Variants in TANGO6 observed in about 807,000 individuals in gnomAD.
TANGO6 encodes transport and Golgi organization protein 6 homolog.
In TANGO6, 90 loss-of-function variants were observed where a neutral mutation model predicts 114.2. The ratio of observed to expected loss-of-function variants is 0.79; its 90% confidence interval spans 0.66 to 0.94. The LOEUF is 0.94. Ranked by LOEUF, TANGO6 falls within the 40% of genes least tolerant of loss-of-function variation. The pLI is 0.00. For missense variants in TANGO6, 1,274 were observed against 1,315.3 expected (o/e 0.97, Z 0.49); for synonymous variants, 477 against 509.8 (o/e 0.94, Z 0.87).
intron 16 of TANGO6, among the ~76,000 whole-genome samples, chr16:69,025,059 C>T (rs1051452307): frequency 5.3e-5 from 8 of 152,212 alleles, no homozygotes; most frequent in African/African-American, 1.7e-4. Flanking sequence ...CCTCCTGCCT[C>T]GGCCTCCCAA....
intron 15 of TANGO6, among the ~76,000 whole-genome samples, chr16:68,980,409 C>CTCTCTCTCTCTCTATATATATATA (rs1408626276): frequency 2.9e-5 from 2 of 68,014 alleles, no homozygotes; most frequent in Non-Finnish European, 5.3e-5. Flanking sequence ...CTCTCTCTCT[C>CTCTCTCTCTCTCTATATATATATA]TATATATATA....
chr16:68,962,305 CT>C (rs956666566), intron 14 of TANGO6, among the ~76,000 whole-genome samples: 2 of 152,058 alleles, frequency 1.3e-5, no homozygotes, highest in Non-Finnish European at 2.9e-5. Context: ...TCTTTATTAT[CT>C]TTGTGACTTA....
chr16:68,855,111 G>A (rs1567523971), intron 1 of TANGO6, among the ~76,000 whole-genome samples: 1 of 151,286 alleles, frequency 6.6e-6, no homozygotes, highest in Non-Finnish European at 1.5e-5. Context: ...GGAGGCTGAG[G>A]CAGGAGAATC....
intron 11 of TANGO6, 77 bp from the exon 12 acceptor site, chr16:68,919,008 G>A (rs1963050754): frequency 1.3e-6 from 2 of 1,492,760 alleles, no homozygotes; most frequent in Admixed American, 2.1e-5. Flanking sequence ...AGATGAGGAT[G>A]TAGACATAAG....
At chr16:69,021,588 G>A (rs1019939600) in intron 15 of TANGO6, among the ~76,000 whole-genome samples, 1 of 152,078 alleles carries the variant, frequency 6.6e-6, no homozygotes, top group African/African-American at 2.4e-5. Context: ...CAAGCATCTG[G>A]AACAATGCTT....
intron 15 of TANGO6, among the ~76,000 whole-genome samples, chr16:69,004,316 C>A (rs140337146): frequency 6.6e-6 from 1 of 151,650 alleles, no homozygotes; most frequent in Non-Finnish European, 1.5e-5. Flanking sequence ...ACAAACTCAC[C>A]GTTTCATAAA....
chr16:68,900,412 T>C, intron 7 of TANGO6, 22 bp from the exon 8 acceptor site: 1 of 1,604,952 alleles, frequency 6.2e-7, no homozygotes, highest in Non-Finnish European at 8.5e-7. Flanking sequence ...GGGATTATTC[T>C]TCACCATTTC....
At chr16:69,059,412 G>T (rs948019797) in intron 17 of TANGO6, among the ~76,000 whole-genome samples, 2 of 151,968 alleles carry the variant, frequency 1.3e-5, no homozygotes, top group Non-Finnish European at 2.9e-5. Context: ...CACCATGTTG[G>T]CCAGGCTGGT....
intron 12 of TANGO6, among the ~76,000 whole-genome samples, chr16:68,926,038 G>GTT (rs1193858644): frequency 7.0e-6 from 1 of 143,826 alleles, no homozygotes; most frequent in Non-Finnish European, 1.5e-5. Flanking sequence ...GTCTTGGCTG[G>GTT]TTTTTTTTTT....
At chr16:69,003,086 G>A (rs904463548) in intron 15 of TANGO6, among the ~76,000 whole-genome samples, 3 of 151,818 alleles carry the variant, frequency 2.0e-5, no homozygotes, top group East Asian at 3.8e-4. Flanking sequence ...TTAAACTTTA[G>A]CCAGGACAAG....
intron 9 of TANGO6, among the ~76,000 whole-genome samples, chr16:68,905,763 C>T (rs1399116712): frequency 1.3e-5 from 2 of 151,956 alleles, no homozygotes; most frequent in African/African-American, 4.8e-5. Flanking sequence ...GTCCCAGCTA[C>T]TTAGGAGGCT....
chr16:68,983,335 T>C (rs1463561664), intron 15 of TANGO6, among the ~76,000 whole-genome samples: 1 of 152,240 alleles, frequency 6.6e-6, no homozygotes, highest in Non-Finnish European at 1.5e-5. Flanking sequence ...ATTTGGTTGC[T>C]CTTTCTAATG....
intron 15 of TANGO6, among the ~76,000 whole-genome samples, chr16:69,007,637 T>C (rs181671465): frequency 3.5e-4 from 54 of 152,322 alleles, no homozygotes; most frequent in African/African-American, 1.3e-3. Flanking sequence ...GAATAAAACT[T>C]CTATGTATAT....
chr16:68,876,459 C>A (rs1962362268), intron 5 of TANGO6, among the ~76,000 whole-genome samples: 1 of 152,140 alleles, frequency 6.6e-6, no homozygotes, highest in African/African-American at 2.4e-5. Flanking sequence ...CCATGCCAGG[C>A]CAGTGCTAAT....
chr16:68,980,401 CTCTCTCTCTA>C (rs1567552524), intron 15 of TANGO6, among the ~76,000 whole-genome samples: 1 of 67,450 alleles, frequency 1.5e-5, no homozygotes, highest in African/African-American at 6.2e-5. Flanking sequence ...CTCTCTCTCT[CTCTCTCTCTA>C]TATATATATA....
chr16:68,981,210 CT>C (rs553789256), intron 15 of TANGO6, among the ~76,000 whole-genome samples: 84 of 111,020 alleles, frequency 7.6e-4, no homozygotes, highest in Middle Eastern at 4.9e-3. Context: ...TTTTCTTTTC[CT>C]TTTTTTTTTT....
chr16:69,030,070 C>T (rs1323629063), intron 16 of TANGO6, among the ~76,000 whole-genome samples: 6 of 148,368 alleles, frequency 4.0e-5, no homozygotes, highest in South Asian at 2.1e-4. Context: ...ATCATGCCAC[C>T]GCACCCCAGC....
chr16:69,021,443 T>C (rs1259186243), intron 15 of TANGO6, among the ~76,000 whole-genome samples: 2 of 152,226 alleles, frequency 1.3e-5, no homozygotes, highest in Non-Finnish European at 2.9e-5. Context: ...ATTCCCATTA[T>C]TCCTTATTTC....
intron 7 of TANGO6, among the ~76,000 whole-genome samples, chr16:68,893,273 T>C (rs907730113): frequency 7.9e-5 from 12 of 152,208 alleles, no homozygotes; most frequent in Admixed American, 7.9e-4. Context: ...CATCCAACCT[T>C]GTTTCACAGA....
Sources: allele counts gnomAD v4.1 joint callset (sites outside exome capture counted in the v4.1 genomes callset), GRCh38; gene constraint gnomAD v4.1.1; transcripts MANE v1.5; gene names NCBI Gene and HGNC (gene_info 2026-07-23, HGNC 2026-07-21).